SCN3A: variants seen among roughly 807,000 people sequenced by gnomAD.
SCN3A encodes sodium channel protein type 3 subunit alpha.
In SCN3A, 60 loss-of-function variants were observed where a neutral mutation model predicts 187.6. That is an observed-to-expected ratio of 0.32 (90% CI 0.26 to 0.40). The LOEUF is 0.40. SCN3A is among the 10% of genes least tolerant of loss of function. The pLI is 1.00. For missense variants in SCN3A, 1,601 were observed against 2,428.2 expected (o/e 0.66, Z 7.16); for synonymous variants, 788 against 829.2 (o/e 0.95, Z 0.85).
At chr2:165,100,918 T>C (rs988037236) in intron 21 of SCN3A, among the ~76,000 whole-genome samples, 20 of 152,230 alleles carry the variant, frequency 1.3e-4, no homozygotes, top group Non-Finnish European at 7.3e-5. Context: ...GGATGAAACA[T>C]TGTTCTCTTA....
intron 11 of SCN3A, among the ~76,000 whole-genome samples, chr2:165,148,464 G>T (rs918838589): frequency 4.6e-5 from 7 of 151,996 alleles, no homozygotes; most frequent in African/African-American, 1.7e-4. Flanking sequence ...TTCTTGAGAA[G>T]AAGCAAACTC....
intron 25 of SCN3A, among the ~76,000 whole-genome samples, chr2:165,094,925 G>A (rs1337334772): frequency 6.6e-6 from 1 of 152,188 alleles, no homozygotes; most frequent in Non-Finnish European, 1.5e-5. Context: ...TAGGTGGACA[G>A]TGTATGTTGA....
At chr2:165,200,537 A>G (rs1445994469) in intron 1 of SCN3A, among the ~76,000 whole-genome samples, 1 of 152,056 alleles carries the variant, frequency 6.6e-6, no homozygotes, top group African/African-American at 2.4e-5. Context: ...CCTAGAACTG[A>G]GAGACAGATG....
intron 25 of SCN3A, among the ~76,000 whole-genome samples, chr2:165,095,245 T>TAAGCC (rs1489512583): frequency 2.6e-5 from 4 of 152,110 alleles, no homozygotes; most frequent in Non-Finnish European, 5.9e-5. Flanking sequence ...AAAGGCTCTG[T>TAAGCC]AAGCCAAGCT....
rs1197846546 is a variant in SCN3A at position 165,191,197 on chromosome 2, C to T, written c.-247-4450G>A. Among the ~76,000 whole-genome samples the T allele has an allele frequency of 2.0e-5, 3 of 150,530 alleles. No individual in the cohort carries two copies. The East Asian group carries it at 5.9e-4, about 30-fold the overall frequency. On this transcript the variant is annotated intron_variant, in intron 1 of 27. Transcript: ENST00000283254. The stretch of plus-strand genomic sequence containing the variant: ...CATTTGATGCCCTATGGTGTAATTT[C>T]GCTGCACCTGGAACCTTGAAATGAT...
Position 165,097,500 on chromosome 2 carries a change from C to T in SCN3A, c.3991G>A (p.Ala1331Thr). 1 of 1,613,910 alleles carries T rather than the reference C, an allele frequency of 6.2e-7. No homozygotes were observed. Among genetic ancestry groups the T allele is most frequent in the East Asian group, 2.2e-5 (1 of 44,876 alleles). ...AGCACATTCATGATAGAGGGAATTG[C>T]TCCAACAAGAGCATTCACAACCACC... The part of the protein sequence containing the change: ...MRVVVNALVG[A>T]IPSIMNVLLV... Residue 1331 changes from alanine to threonine, a missense_variant, in exon 23 of 28, where the codon GCA becomes ACA. By Grantham distance (58) the Ala-to-Thr change is moderately conservative. This residue lies in a region of SCN3A where 320 missense variants were observed against 623.2 expected (regional missense o/e 0.51). Coordinates refer to ENST00000283254, the MANE Select transcript of SCN3A (RefSeq NM_006922.4).
At chr2:165,123,629 G>A (rs537427406) in intron 18 of SCN3A, among the ~76,000 whole-genome samples, 1 of 152,240 alleles carries the variant, frequency 6.6e-6, no homozygotes, top group Non-Finnish European at 1.5e-5. Context: ...CTTGCTACTT[G>A]TGTCAAAAAC....
chr2:165,100,886 G>A (rs1365098983), intron 21 of SCN3A, among the ~76,000 whole-genome samples: 4 of 152,220 alleles, frequency 2.6e-5, no homozygotes, highest in South Asian at 2.1e-4. Context: ...TTTCCAGATC[G>A]TATACGTTTT....
chr2:165,103,670 A>C (rs1685715659), intron 21 of SCN3A, among the ~76,000 whole-genome samples: 1 of 152,224 alleles, frequency 6.6e-6, no homozygotes, highest in African/African-American at 2.4e-5. Context: ...AGAATAATGC[A>C]GGATGGAGTT....
intron 21 of SCN3A, among the ~76,000 whole-genome samples, chr2:165,109,597 T>TA: frequency 6.6e-6 from 1 of 152,150 alleles, no homozygotes; most frequent in East Asian, 1.9e-4. Flanking sequence ...AGCCTATCAG[T>TA]AAGTCTCATC....
chr2:165,094,672 ACT>A (rs1685278660), intron 25 of SCN3A, among the ~76,000 whole-genome samples, 194 bp from the exon 26 acceptor site: 1 of 152,108 alleles, frequency 6.6e-6, no homozygotes, highest in South Asian at 2.1e-4. Flanking sequence ...CGTACATAAA[ACT>A]CTGATCGCTA....
In SCN3A at chr2:165,154,474, T is replaced by C. The variant is rs2105861104; in HGVS notation, c.1358A>G (p.Lys453Arg). ...AEFQQMLEQL[K>R]KQQEEAQAVA... The stretch of plus-strand genomic sequence containing the variant: ...TACCTGAGCTTCTTCCTGTTGCTTT[T>C]TAAGCTGTTCGAGCATCTGCTGAAA... Residue 453 changes from lysine to arginine, a missense_variant, in exon 11 of 28, where the codon AAA (lysine) becomes AGA (arginine). By Grantham distance (26) the Lys-to-Arg change is conservative. Transcript: ENST00000283254. 1 of 1,614,182 alleles carries C rather than the reference T, an allele frequency of 6.2e-7. No homozygotes were observed. The highest frequency in any genetic ancestry group is 8.5e-7 in the Non-Finnish European group (1 of 1,180,002).
At chr2:165,096,619 G>A in intron 23 of SCN3A, 99 bp from the exon 24 acceptor site, 2 of 748,912 alleles carry the variant, frequency 2.7e-6, no homozygotes, top group South Asian at 3.6e-5. Flanking sequence ...ATAACTTTTT[G>A]TACAATATTG....
chr2:165,139,720 T>C, intron 13 of SCN3A, 112 bp from the exon 14 acceptor site: 1 of 1,352,982 alleles, frequency 7.4e-7, no homozygotes, highest in Non-Finnish European at 1.0e-6. Flanking sequence ...GTAAGAATTT[T>C]CAAGGAATAA....
Position 165,140,830 on chromosome 2 carries a change from G to T in SCN3A, c.1840C>A (p.Pro614Thr). ...TTGCGTCGCTCTCCATGTCTGTGCGGCACAAACAGTGAGTCTCTCCTGCTT... is the reference window on the plus strand; with the variant it reads ...TTGCGTCGCTCTCCATGTCTGTGCGTCACAAACAGTGAGTCTCTCCTGCTT... The part of the protein sequence containing the change: ...SESRRDSLFV[P>T]HRHGERRNSN... Residue 614 changes from proline (P) to threonine (T), a missense_variant, in exon 13 of 28, where the codon CCG becomes ACG. Pro to Thr is a conservative substitution (Grantham distance 38, BLOSUM62 -1). This residue lies in a region of SCN3A where 376 missense variants were observed against 476.0 expected (regional missense o/e 0.79). Transcript: ENST00000283254. The surrounding 1 kb of genome is among the most constrained non-coding windows in gnomAD (Gnocchi z 4.2). The T allele has an allele frequency of 6.2e-7, 1 of 1,614,154 alleles. No individual in the cohort carries two copies. Among genetic ancestry groups the T allele is most frequent in the Middle Eastern group, 1.6e-4 (1 of 6,062 alleles).
chr2:165,091,432 A>G, intron 27 of SCN3A, 87 bp from the exon 28 acceptor site: 1 of 1,492,250 alleles, frequency 6.7e-7, no homozygotes, highest in Admixed American at 1.7e-5. Flanking sequence ...TGAACACAAC[A>G]AACTTGTTAT....
At chr2:165,178,725 A>AT (rs969014450) in intron 2 of SCN3A, among the ~76,000 whole-genome samples, 9 of 151,330 alleles carry the variant, frequency 5.9e-5, no homozygotes, top group East Asian at 1.9e-4. Context: ...TGGGCAGCAC[A>AT]TTTTTTTTTC....
intron 12 of SCN3A, among the ~76,000 whole-genome samples, chr2:165,143,744 A>G (rs947597870): frequency 1.3e-5 from 2 of 152,198 alleles, no homozygotes; most frequent in African/African-American, 4.8e-5. Context: ...TGTTCCCAGA[A>G]GATAAATGTA....
chr2:165,164,166 A>C (rs1285185632), intron 6 of SCN3A, among the ~76,000 whole-genome samples: 1 of 152,200 alleles, frequency 6.6e-6, no homozygotes, highest in African/African-American at 2.4e-5. Flanking sequence ...CTTCATTTTG[A>C]TGAAGAGAAA....
Sources: allele counts gnomAD v4.1 joint callset (sites outside exome capture counted in the v4.1 genomes callset), GRCh38; gene constraint gnomAD v4.1.1; regional missense constraint gnomAD v4.1.1; non-coding constraint Gnocchi (gnomAD v3.1); transcripts MANE v1.5; gene names NCBI Gene and HGNC (gene_info 2026-07-23, HGNC 2026-07-21).